The following UBA2 variants were observed in gnomAD, a reference collection of about 807,000 sequenced individuals.
UBA2 encodes the protein ubiquitin like modifier activating enzyme 2, also known as SUMO-activating enzyme subunit 2.
In UBA2, 11 loss-of-function variants were observed where a neutral mutation model predicts 77.2. The observed-to-expected ratio is 0.14, with a 90% CI of 0.09 to 0.24. The LOEUF (loss-of-function observed/expected upper bound fraction) is 0.24, where lower values mean the gene tolerates loss of function less well. UBA2 is among the 10% of genes least tolerant of loss of function. The pLI, the probability that UBA2 is intolerant of heterozygous loss-of-function variation, is 1.00. For missense variants in UBA2, 487 were observed against 781.7 expected, an observed-to-expected ratio of 0.62 and a Z score of 4.50; for synonymous variants, 278 against 276.7, an observed-to-expected ratio of 1.00 and a Z score of -0.05.
chr19:34,450,707 A>G (rs1219021788), intron 9 of UBA2, among the ~76,000 whole-genome samples: 1 of 151,144 alleles, frequency 6.6e-6, no homozygotes, highest in Non-Finnish European at 1.5e-5. Context: ...TTTCCCTGAA[A>G]TAAAGTTTTG....
At chr19:34,452,295 C>A in intron 10 of UBA2, 148 bp downstream of exon 10, 1 of 645,816 alleles carries the variant, frequency 1.5e-6, no homozygotes. Context: ...GCTCTAATTG[C>A]TGTATGGAGC....
At chr19:34,461,491 C>G (rs958541548) in intron 14 of UBA2, among the ~76,000 whole-genome samples, 11 of 152,206 alleles carry the variant, frequency 7.2e-5, no homozygotes, top group Admixed American at 3.9e-4. Context: ...AAGCCTCATT[C>G]TAGCCAGCTG....
chr19:34,449,464 T>G (rs115587317), intron 8 of UBA2, among the ~76,000 whole-genome samples: 2,159 of 152,294 alleles, frequency 0.014, 60 homozygotes, highest in African/African-American at 0.049. Context: ...GGATGCTCAG[T>G]TAGTATTGAT....
At chr19:34,445,681 G>T (rs2075421938) in intron 8 of UBA2, among the ~76,000 whole-genome samples, 2 of 151,910 alleles carry the variant, frequency 1.3e-5, no homozygotes, top group East Asian at 3.9e-4. Context: ...CAAGTGATCT[G>T]CCCACCTTGG....
intron 3 of UBA2, among the ~76,000 whole-genome samples, chr19:34,433,042 C>T (rs534696866): frequency 6.6e-6 from 1 of 152,280 alleles, no homozygotes; most frequent in Non-Finnish European, 1.5e-5. Context: ...GTTCTTTATG[C>T]GTTCCCAGGC....
intron 8 of UBA2, among the ~76,000 whole-genome samples, chr19:34,448,577 T>A (rs560041108): frequency 1.4e-4 from 21 of 152,164 alleles, no homozygotes; most frequent in African/African-American, 4.3e-4. Flanking sequence ...CCTGGGCAGG[T>A]CAAAGAACAG....
chr19:34,454,352 A>G lies in UBA2; in HGVS notation c.1131A>G (p.Lys377=). 1 of 1,609,810 alleles carries G rather than the reference A, an allele frequency of 6.2e-7. No individual in the cohort carries two copies. The highest frequency in any genetic ancestry group is 8.5e-7 in the Non-Finnish European group (1 of 1,178,124). ...SMNMKSRFDI[K]SMAGNIIPAI... is the part of the protein sequence containing the mutation. ...ATATGAAGAGTAGATTTGATATCAA[A>G]TGTAAGTTATTTGTACTAAAGTTGT... The change falls in exon 11 of 17, where the codon AAA becomes AAG. Residue 377 remains lysine (K), a splice_region_variant and synonymous_variant. Coordinates refer to ENST00000246548, the MANE Select transcript of UBA2 (RefSeq NM_005499.3).
Position 34,445,502 on chromosome 19 carries a change from C to T in UBA2, c.771+381C>T, listed in dbSNP as rs543657167. ...TCGCCCAGGCTGGAGTGCAGTGGCA[C>T]GATCTCGGCTCACTGCAGCCCCGCC... On this transcript the variant is annotated intron_variant, in intron 8 of 16. Coordinates refer to ENST00000246548, the MANE Select transcript of UBA2 (RefSeq NM_005499.3). Among the ~76,000 whole-genome samples, 24 of 147,608 alleles carry T rather than the reference C, an allele frequency of 1.6e-4. No individual in the cohort carries two copies. The East Asian group carries it at 4.0e-3, about 25-fold the overall frequency.
intron 12 of UBA2, among the ~76,000 whole-genome samples, chr19:34,458,170 CA>C (rs2075589028): frequency 6.6e-6 from 1 of 152,136 alleles, no homozygotes; most frequent in African/African-American, 2.4e-5. Context: ...TTACTCTTGC[CA>C]AATCAGGTTG....
chr19:34,440,437 A>G (rs2075356456), intron 6 of UBA2, among the ~76,000 whole-genome samples: 1 of 152,224 alleles, frequency 6.6e-6, no homozygotes, highest in African/African-American at 2.4e-5. Context: ...TTCATTTCAC[A>G]AAACTTGCAA....
intron 5 of UBA2, among the ~76,000 whole-genome samples, chr19:34,437,774 C>T (rs1470044226): frequency 6.6e-6 from 1 of 152,002 alleles, no homozygotes; most frequent in East Asian, 1.9e-4. Flanking sequence ...ATAAAATGGG[C>T]TGGGCGCAGT....
rs1184297228 is a variant in UBA2, at chr19:34,431,244, C to CTTTTTTTTTT, written c.222+600_223-593dup. ...TTTACTTTTCCTATCATTTTCTTTT[C>CTTTTTTTTTT]TTTTTTTTTTTTTTTTTTTTTTTTA... On this transcript the variant is annotated intron_variant, in intron 2 of 16. Coordinates refer to ENST00000246548, the MANE Select transcript of UBA2 (RefSeq NM_005499.3). Among the ~76,000 whole-genome samples, 113 of 69,382 alleles carry CTTTTTTTTTT rather than the reference C, an allele frequency of 1.6e-3. 4 individuals carry two copies. Among genetic ancestry groups the CTTTTTTTTTT allele is most frequent in the East Asian group, 4.2e-3 (8 of 1,912 alleles). 45.5% of individuals were successfully genotyped at this position (69,382 alleles called of 152,430 possible).
intron 14 of UBA2, among the ~76,000 whole-genome samples, chr19:34,461,799 C>A (rs1005973251): frequency 1.3e-5 from 2 of 151,756 alleles, no homozygotes; most frequent in African/African-American, 4.8e-5. Flanking sequence ...CTGGATTGAG[C>A]ATCGTCCAAG....
intron 6 of UBA2, among the ~76,000 whole-genome samples, chr19:34,443,286 G>GT (rs2075390252): frequency 6.6e-6 from 1 of 152,150 alleles, no homozygotes; most frequent in South Asian, 2.1e-4. Context: ...TTGAGCAGAG[G>GT]TTTTAACATT....
intron 2 of UBA2, among the ~76,000 whole-genome samples, chr19:34,431,653 G>A (rs1009155523): frequency 1.3e-5 from 2 of 151,978 alleles, no homozygotes; most frequent in African/African-American, 2.4e-5. Context: ...TGGGTCAGGG[G>A]GGGCTCTCCG....
At chr19:34,431,373 C>T (rs1301397921) in intron 2 of UBA2, among the ~76,000 whole-genome samples, 1 of 150,948 alleles carries the variant, frequency 6.6e-6, no homozygotes, top group African/African-American at 2.4e-5. Context: ...CTACACTGGC[C>T]TCCCAAGTGC....
At chr19:34,467,114 T>C in intron 16 of UBA2, 100 bp downstream of exon 16, 1 of 1,369,284 alleles carries the variant, frequency 7.3e-7, no homozygotes, top group Non-Finnish European at 1.0e-6. Context: ...ATAAAACTAC[T>C]AGAGGTGTGT....
At chr19:34,428,711 T>G in intron 1 of UBA2, 141 bp downstream of exon 1, 1 of 1,163,194 alleles carries the variant, frequency 8.6e-7, no homozygotes, top group East Asian at 3.3e-5. Context: ...GCTGAGAGGC[T>G]CGGGTTGTGC....
chr19:34,459,831 A>G (rs2075611072), intron 13 of UBA2, among the ~76,000 whole-genome samples: 3 of 152,162 alleles, frequency 2.0e-5, no homozygotes, highest in Admixed American at 2.0e-4. Context: ...GTTAGGCAGG[A>G]CGGATTGATT....
Sources: gnomAD v4.1 joint callset for allele counts (sites outside exome capture counted in the v4.1 genomes callset) on GRCh38, gnomAD v4.1.1 for gene constraint, MANE v1.5 for transcripts, NCBI Gene and HGNC (gene_info 2026-07-23, HGNC 2026-07-21) for gene names.